The following SASH1 variants were observed in gnomAD, a reference collection of about 807,000 sequenced individuals.
The protein encoded by SASH1 is SAM and SH3 domain containing 1.
Under a neutral mutation model 125.2 loss-of-function variants are expected in SASH1, and 44 were observed. The observed-to-expected ratio is 0.35, with a 90% CI of 0.28 to 0.45. SASH1 has a LOEUF of 0.45. SASH1 is among the 20% of genes least tolerant of loss of function. The probability of loss-of-function intolerance (pLI) is 1.00; values close to 1 mark genes in which losing one functional copy is unlikely to be tolerated. For synonymous variants in SASH1, 639 were observed against 649.1 expected, an observed-to-expected ratio of 0.98 and a Z score of 0.24; for missense variants, 1,426 against 1,614.5, an observed-to-expected ratio of 0.88 and a Z score of 2.00.
chr6:148,487,088 T>TAC (rs757099589), intron 7 of SASH1, among the ~76,000 whole-genome samples: 7 of 101,720 alleles, frequency 6.9e-5, no homozygotes, highest in Non-Finnish European at 9.7e-5. Flanking sequence ...ATAACACATA[T>TAC]ATATACACAC....
intron 2 of SASH1, among the ~76,000 whole-genome samples, chr6:148,417,339 C>T (rs936857850): frequency 2.6e-5 from 4 of 152,076 alleles, no homozygotes; most frequent in South Asian, 4.1e-4. Flanking sequence ...GTATTCCCAG[C>T]GCTTTGGGAG....
chr6:148,515,152 C>T (rs1780368597), intron 9 of SASH1, among the ~76,000 whole-genome samples: 1 of 152,130 alleles, frequency 6.6e-6, no homozygotes, highest in South Asian at 2.1e-4. Flanking sequence ...CTCTTTGCAG[C>T]ATCTTATAAA....
At chr6:148,247,408 C>T in the SASH1 span, among the ~76,000 whole-genome samples, 1 of 152,274 alleles carries the variant, frequency 6.6e-6, no homozygotes, top group Admixed American at 6.5e-5. Flanking sequence ...AGCCTGGTAC[C>T]TCCATCTCCT....
At position 148,486,122 on chromosome 6, in the gene SASH1, C is replaced by G. The variant is rs143195945; in HGVS notation, c.628-1492C>G. 2.5e-3 allele frequency among the ~76,000 whole-genome samples: 380 copies of G among 152,136 alleles called. 2 individuals carry two copies. Among genetic ancestry groups the G allele is most frequent in the African/African-American group, 8.7e-3 (363 of 41,516 alleles). On this transcript the variant is annotated intron_variant, in intron 7 of 19. Transcript: ENST00000367467. ...ATCTGCTCACTTTGCTATAGCCTTT[C>G]TTTCCTTTCTTTCTTTCCTCGGAGT... is the stretch of plus-strand genomic sequence containing the variant.
At chr6:148,385,523 G>GCCAC (rs1468560216) in intron 1 of SASH1, among the ~76,000 whole-genome samples, 1 of 152,132 alleles carries the variant, frequency 6.6e-6, no homozygotes, top group African/African-American at 2.4e-5. Context: ...CTGATGGCTG[G>GCCAC]CCACTCTAGG....
chr6:148,291,502 G>A (rs79624706), intron 1 of SASH1, among the ~76,000 whole-genome samples: 5,684 of 152,128 alleles, frequency 0.037, 141 homozygotes, highest in Middle Eastern at 0.068. Flanking sequence ...CCAATGTGAC[G>A]AAACTCTGTC....
the SASH1 span, among the ~76,000 whole-genome samples, chr6:148,197,339 A>G: frequency 6.6e-6 from 1 of 152,244 alleles, no homozygotes; most frequent in South Asian, 2.1e-4. Flanking sequence ...ACATCAAGTC[A>G]GCACCTAATG....
chr6:148,295,335 C>T (rs1053538547), intron 1 of SASH1, among the ~76,000 whole-genome samples: 10 of 152,184 alleles, frequency 6.6e-5, no homozygotes, highest in Non-Finnish European at 1.5e-5. Flanking sequence ...CACGTGCATA[C>T]TTTATCTCTC....
At chr6:148,419,554 A>G (rs1326693609) in intron 2 of SASH1, among the ~76,000 whole-genome samples, 2 of 152,178 alleles carry the variant, frequency 1.3e-5, no homozygotes, top group Non-Finnish European at 2.9e-5. Context: ...TTAGATGACC[A>G]TGTAGTATTG....
chr6:148,450,643 G>T (rs1777053860), intron 4 of SASH1, among the ~76,000 whole-genome samples: 1 of 150,394 alleles, frequency 6.6e-6, no homozygotes, highest in African/African-American at 2.4e-5. Context: ...GGCTTCTCGG[G>T]TGATGTCTAT....
rs551136640 is a variant in SASH1, at chr6:148,389,637, A to G, written c.157-497A>G. ...TCGGTTCCTGAATTCTCAGGCTCCC[A>G]TCAGAATCCCTGGGAGGGGTCCTGA... is the stretch of plus-strand genomic sequence containing the variant. On this transcript the variant is annotated intron_variant, in intron 1 of 19. Coordinates refer to ENST00000367467, the MANE Select transcript of SASH1 (RefSeq NM_015278.5). Among the ~76,000 whole-genome samples, 7 of 152,330 alleles carry G rather than the reference A, an allele frequency of 4.6e-5. No homozygotes were observed. In the East Asian group the frequency reaches 1.4e-3, roughly 29 times the overall value.
intron 2 of SASH1, among the ~76,000 whole-genome samples, chr6:148,391,386 G>T (rs1783720165): frequency 6.7e-6 from 1 of 148,578 alleles, no homozygotes; most frequent in Non-Finnish European, 1.5e-5. Context: ...GGGATTACAG[G>T]CGTGAGCCAC....
At chr6:148,356,494 C>CTCTTTTTT (rs1781941929) in intron 1 of SASH1, among the ~76,000 whole-genome samples, 2 of 116,284 alleles carry the variant, frequency 1.7e-5, no homozygotes, top group Non-Finnish European at 3.4e-5. Flanking sequence ...ACTTTTAGTT[C>CTCTTTTTT]TTTTTTTTTT....
At chr6:148,504,229 G>A (rs1779676813) in intron 8 of SASH1, among the ~76,000 whole-genome samples, 1 of 152,306 alleles carries the variant, frequency 6.6e-6, no homozygotes, top group Non-Finnish European at 1.5e-5. Context: ...CAGAAGATGA[G>A]CCATCAGGGC....
chr6:148,236,094 A>C, the SASH1 span, among the ~76,000 whole-genome samples: 1 of 152,212 alleles, frequency 6.6e-6, no homozygotes, highest in Non-Finnish European at 1.5e-5. Context: ...TTGCATGGCA[A>C]GGAGGGGTGT....
At chr6:148,419,980 C>A (rs1423510590) in intron 2 of SASH1, among the ~76,000 whole-genome samples, 1 of 152,068 alleles carries the variant, frequency 6.6e-6, no homozygotes, top group East Asian at 1.9e-4. Flanking sequence ...AGCAAAATTT[C>A]TGTGAGAAAA....
chr6:148,521,215 A>T (rs984264803), intron 10 of SASH1, among the ~76,000 whole-genome samples: 2 of 152,244 alleles, frequency 1.3e-5, no homozygotes, highest in Non-Finnish European at 2.9e-5. Context: ...AAAATGGTGC[A>T]AAGTGAGGAA....
intron 4 of SASH1, among the ~76,000 whole-genome samples, chr6:148,462,636 G>T (rs1211863018): frequency 6.6e-6 from 1 of 152,128 alleles, no homozygotes; most frequent in Non-Finnish European, 1.5e-5. Context: ...CCATGGTGAG[G>T]TTTGGTGTTG....
intron 7 of SASH1, chr6:148,480,302 A>G (rs1439558608): frequency 6.6e-6 from 1 of 152,436 alleles, no homozygotes; most frequent in African/African-American, 2.4e-5. Flanking sequence ...GCCTGGGCAA[A>G]CAGAGCAAAA....
Sources: allele counts gnomAD v4.1 joint callset (sites outside exome capture counted in the v4.1 genomes callset), GRCh38; gene constraint gnomAD v4.1.1; transcripts MANE v1.5; gene names NCBI Gene and HGNC (gene_info 2026-07-23, HGNC 2026-07-21).